The following STPG2 variants were observed in gnomAD, a reference collection of about 807,000 sequenced individuals.
STPG2 encodes sperm tail PG-rich repeat containing 2.
STPG2 carries 56 observed loss-of-function variants against 54.2 expected under a neutral mutation model. That is an observed-to-expected ratio of 1.03 (90% CI 0.83 to 1.29). The LOEUF is 1.29. STPG2 is among the 50% of genes most tolerant of loss of function. The probability of loss-of-function intolerance (pLI) is 0.00; values close to 1 mark genes in which losing one functional copy is unlikely to be tolerated. For missense variants in STPG2, 596 were observed against 544.9 expected, an observed-to-expected ratio of 1.09 and a Z score of -0.93; for synonymous variants, 200 against 181.8, an observed-to-expected ratio of 1.10 and a Z score of -0.81.
chr4:98,079,465 A>G (rs1738271037), intron 5 of STPG2, among the ~76,000 whole-genome samples: 1 of 152,200 alleles, frequency 6.6e-6, no homozygotes. Context: ...CTTTTGACTG[A>G]CTGATAACCT....
chr4:98,113,620 C>A (rs1179138593), intron 3 of STPG2, among the ~76,000 whole-genome samples: 3 of 151,882 alleles, frequency 2.0e-5, no homozygotes, highest in Non-Finnish European at 4.4e-5. Context: ...AGCTTTAACA[C>A]TGAGTGATGA....
At chr4:98,025,812 C>T (rs1736399885) in intron 5 of STPG2, 3 of 1,590,592 alleles carry the variant, frequency 1.9e-6, no homozygotes, top group South Asian at 1.1e-5. Context: ...GGTGCCTTTA[C>T]CTGCTATTTG....
intron 10 of STPG2, among the ~76,000 whole-genome samples, chr4:97,628,770 G>A (rs1721136280): frequency 6.6e-6 from 1 of 152,000 alleles, no homozygotes; most frequent in African/African-American, 2.4e-5. Context: ...AAGTACCAGA[G>A]TTAAACTGGT....
chr4:98,039,779 G>T (rs1736892329), intron 5 of STPG2, among the ~76,000 whole-genome samples: 3 of 151,384 alleles, frequency 2.0e-5, no homozygotes, highest in Admixed American at 2.0e-4. Context: ...AGAGTGCTGT[G>T]ATAAATATAT....
At chr4:98,067,098 C>A (rs1381284274) in intron 5 of STPG2, among the ~76,000 whole-genome samples, 1 of 152,130 alleles carries the variant, frequency 6.6e-6, no homozygotes, top group Non-Finnish European at 1.5e-5. Flanking sequence ...AAAATGTTTC[C>A]TTCTCACCCC....
At chr4:97,828,278 G>A (rs1235826340) in intron 9 of STPG2, among the ~76,000 whole-genome samples, 4 of 152,160 alleles carry the variant, frequency 2.6e-5, no homozygotes, top group Non-Finnish European at 5.9e-5. Context: ...CCCAGGAAGT[G>A]CAAGGGGTTG....
intron 9 of STPG2, among the ~76,000 whole-genome samples, chr4:97,741,430 T>C (rs1319169903): frequency 1.3e-5 from 2 of 151,844 alleles, no homozygotes; most frequent in African/African-American, 4.8e-5. Flanking sequence ...ACAGGCAACC[T>C]ACAAAATGGG....
In STPG2 at chr4:97,525,690, T is replaced by C. The variant is rs565510176; in HGVS notation, c.462+187009A>G. Among the ~76,000 whole-genome samples the C allele has an allele frequency of 6.6e-5, 10 of 152,134 alleles. No individual in the cohort carries two copies. In the South Asian group the frequency reaches 1.0e-3, roughly 16 times the overall value. ...TCCATAACTCAGGAAAATCAGTTCA[T>C]AGAAATGAAACCAGAATGTCTAAGC... On this transcript the variant is annotated intron_variant, in intron 4 of 4. Transcript: ENST00000522676.
intron 7 of STPG2, among the ~76,000 whole-genome samples, chr4:97,949,193 GC>G (rs1463814987): frequency 6.6e-6 from 1 of 151,984 alleles, no homozygotes; most frequent in African/African-American, 2.4e-5. Context: ...TACTGCTGTT[GC>G]TTTAAAGTTT....
intron 10 of STPG2, among the ~76,000 whole-genome samples, chr4:97,567,487 C>G (rs1047674450): frequency 1.3e-5 from 2 of 150,402 alleles, no homozygotes; most frequent in Non-Finnish European, 3.0e-5. Flanking sequence ...TCCCCATAAT[C>G]TGACTTTCAG....
At chr4:98,018,318 T>C (rs1378028231) in intron 5 of STPG2, among the ~76,000 whole-genome samples, 2 of 152,158 alleles carry the variant, frequency 1.3e-5, no homozygotes, top group African/African-American at 4.8e-5. Context: ...ATTTCCAGTT[T>C]CATCCATGTC....
At chr4:97,649,016 G>T (rs1220376758) in intron 10 of STPG2, among the ~76,000 whole-genome samples, 1 of 151,992 alleles carries the variant, frequency 6.6e-6, no homozygotes, top group Non-Finnish European at 1.5e-5. Flanking sequence ...TCAGAACATG[G>T]TACTTGACTT....
chr4:98,032,471 G>A (rs551752760), intron 5 of STPG2, among the ~76,000 whole-genome samples: 7 of 151,958 alleles, frequency 4.6e-5, no homozygotes, highest in Admixed American at 3.3e-4. Flanking sequence ...GGAAGACACA[G>A]AGACTCCCAC....
intron 8 of STPG2, among the ~76,000 whole-genome samples, chr4:97,923,352 C>T (rs1257674822): frequency 6.6e-6 from 1 of 151,982 alleles, no homozygotes; most frequent in Non-Finnish European, 1.5e-5. Flanking sequence ...ACAAGTGCCG[C>T]CCCCTGCTCC....
chr4:97,951,627 A>T (rs1733475455), intron 7 of STPG2, among the ~76,000 whole-genome samples: 3 of 152,014 alleles, frequency 2.0e-5, no homozygotes, highest in Non-Finnish European at 4.4e-5. Context: ...TCTTTGCATG[A>T]TAACCTTCTC....
chr4:97,789,545 C>G (rs6848272), intron 9 of STPG2, among the ~76,000 whole-genome samples: 2,669 of 152,136 alleles, frequency 0.018, 75 homozygotes, highest in African/African-American at 0.061. Context: ...TTTACATCAT[C>G]ACATCTATCA....
rs1237611574 is a variant in STPG2 at position 97,598,259 on chromosome 4, A to AGT, written c.1321-39144_1321-39143dup. 2.0e-5 allele frequency among the ~76,000 whole-genome samples: 3 copies of AGT among 152,194 alleles called. 1 individual carries two copies. The highest frequency in any genetic ancestry group is 4.4e-5 in the Non-Finnish European group (3 of 68,026). ...AGATGAAACATACAAATGGAAAAAC[A>AGT]GTCCATGCTTACTGATAGGAAGAAT... is the stretch of plus-strand genomic sequence containing the variant. On this transcript the variant is annotated intron_variant, in intron 10 of 10. Coordinates refer to ENST00000295268, the MANE Select transcript of STPG2 (RefSeq NM_174952.3).
rs752718316 is a variant in STPG2, at chr4:97,712,704, A to T, written c.1315T>A (p.Tyr439Asn). The change falls in exon 10 of 11, where the codon TAT (tyrosine) becomes AAT (asparagine). Residue 439 changes from tyrosine to asparagine, a missense_variant. Physicochemically the swap from Tyr to Asn is moderately radical, Grantham distance 143 (BLOSUM62 -2). Transcript: ENST00000295268. Reference protein sequence around the residue: ...SKEITPGPATYEISQEKKKGN... With the variant: ...SKEITPGPATNEISQEKKKGN... Reference sequence around the variant, plus strand: ...AGAAGGAAATATTGACAAACCTCATATGTTGCTGGGCCTGGAGTAATCTCT... The same window carrying T: ...AGAAGGAAATATTGACAAACCTCATTTGTTGCTGGGCCTGGAGTAATCTCT... 1 of 1,572,306 alleles carries T rather than the reference A, an allele frequency of 6.4e-7. No individual in the cohort carries two copies. The highest frequency in any genetic ancestry group is 1.8e-5 in the Admixed American group (1 of 55,208).
intron 5 of STPG2, among the ~76,000 whole-genome samples, chr4:98,064,493 A>G (rs1320659816): frequency 6.6e-6 from 1 of 152,240 alleles, no homozygotes; most frequent in Non-Finnish European, 1.5e-5. Context: ...TATATGTAAC[A>G]AACTATATTT....
Sources: gnomAD v4.1 joint callset for allele counts (sites outside exome capture counted in the v4.1 genomes callset) on GRCh38, gnomAD v4.1.1 for gene constraint, MANE v1.5 for transcripts, NCBI Gene and HGNC (gene_info 2026-07-23, HGNC 2026-07-21) for gene names.